MAML3: variants seen among roughly 807,000 people sequenced by gnomAD.
The protein encoded by MAML3 is mastermind like transcriptional coactivator 3, also known as mastermind-like protein 3.
MAML3 carries 27 observed loss-of-function variants against 101.9 expected under a neutral mutation model. The observed-to-expected ratio is 0.27, with a 90% confidence interval of 0.20 to 0.37. MAML3 has a LOEUF of 0.37. Ranked by LOEUF, MAML3 falls within the 10% of genes least tolerant of loss-of-function variation. The pLI is 1.00. For missense variants in MAML3, 1,316 were observed against 1,444.9 expected, an observed-to-expected ratio of 0.91 and a Z score of 1.45; for synonymous variants, 501 against 555.9, an observed-to-expected ratio of 0.90 and a Z score of 1.39.
At chr4:139,756,413 A>G (rs1220299225) in intron 2 of MAML3, among the ~76,000 whole-genome samples, 6 of 152,210 alleles carry the variant, frequency 3.9e-5, no homozygotes, top group Admixed American at 6.5e-5. Context: ...AGAATCACAC[A>G]TGGCTGAAGA....
intron 2 of MAML3, among the ~76,000 whole-genome samples, chr4:139,733,294 G>T (rs1254085420): frequency 1.3e-5 from 2 of 152,220 alleles, no homozygotes; most frequent in Non-Finnish European, 2.9e-5. Context: ...CCCAAGGGAA[G>T]ATAAAGTTTT....
intron 1 of MAML3, among the ~76,000 whole-genome samples, chr4:140,132,493 C>T (rs1470704533): frequency 2.0e-5 from 3 of 152,156 alleles, no homozygotes; most frequent in Non-Finnish European, 4.4e-5. Flanking sequence ...AAACTCTGGA[C>T]TTTGGGGAGG....
At chr4:140,053,180 G>A (rs760818854) in intron 1 of MAML3, among the ~76,000 whole-genome samples, 1 of 152,008 alleles carries the variant, frequency 6.6e-6, no homozygotes, top group Non-Finnish European at 1.5e-5. Flanking sequence ...TGGTGCTCCT[G>A]GTTTAGTGTT....
chr4:139,892,460 A>C (rs1274725985), intron 1 of MAML3, among the ~76,000 whole-genome samples: 2 of 152,088 alleles, frequency 1.3e-5, no homozygotes, highest in African/African-American at 4.8e-5. Flanking sequence ...CTTGGCCAGG[A>C]TACCATTATC....
chr4:140,114,524 C>T (rs538450710), intron 1 of MAML3, among the ~76,000 whole-genome samples: 1 of 152,350 alleles, frequency 6.6e-6, no homozygotes, highest in Admixed American at 6.5e-5. Flanking sequence ...AATCAAACCT[C>T]TGATATTTTT....
At chr4:139,811,178 C>T (rs560304515) in intron 2 of MAML3, among the ~76,000 whole-genome samples, 72 of 152,304 alleles carry the variant, frequency 4.7e-4, no homozygotes, top group East Asian at 7.7e-4. Flanking sequence ...TTAAAACTTA[C>T]GCCACTGTTA....
chr4:139,896,631 TG>T (rs1732619944), intron 1 of MAML3, among the ~76,000 whole-genome samples: 1 of 121,452 alleles, frequency 8.2e-6, no homozygotes, highest in African/African-American at 2.6e-5. Flanking sequence ...TGTGTGTGTG[TG>T]GTATGTGGTG....
intron 1 of MAML3, among the ~76,000 whole-genome samples, chr4:139,911,730 C>T (rs116678305): frequency 1.3e-5 from 2 of 152,212 alleles, no homozygotes; most frequent in Non-Finnish European, 2.9e-5. Context: ...CCAGAGATCC[C>T]CCTCACTCTT....
intron 2 of MAML3, among the ~76,000 whole-genome samples, chr4:139,854,349 C>T (rs1344002872): frequency 6.6e-6 from 1 of 151,420 alleles, no homozygotes; most frequent in South Asian, 2.1e-4. Flanking sequence ...TTGCTTAAAT[C>T]CACAAGGTTC....
chr4:140,153,459 C>T lies in MAML3; in HGVS notation c.-132G>A. ...GACGCAAGCACATGGATGGAAACGG[C>T]GATCCCGACGGGGCGAAAAAAACGG... On this transcript the variant is annotated 5_prime_UTR_variant, in exon 1 of 5. Transcript: ENST00000509479. The T allele has an allele frequency of 9.6e-7, 1 of 1,037,336 alleles. No individual in the cohort carries two copies. The highest frequency in any genetic ancestry group is 1.3e-6 in the Non-Finnish European group (1 of 795,708). 64.3% of individuals were successfully genotyped at this position (1,037,336 alleles called of 1,614,324 possible). A position where few individuals can be genotyped will look rare whatever the true frequency, so the allele number is the denominator to read the frequency against.
chr4:139,783,664 C>T (rs1730256820), intron 2 of MAML3, among the ~76,000 whole-genome samples: 1 of 152,210 alleles, frequency 6.6e-6, no homozygotes, highest in African/African-American at 2.4e-5. Flanking sequence ...CGGCATCATT[C>T]TGACCATGCA....
intron 2 of MAML3, among the ~76,000 whole-genome samples, chr4:139,772,128 TA>T (rs1418645357): frequency 6.9e-6 from 1 of 145,532 alleles, no homozygotes; most frequent in African/African-American, 2.6e-5. Context: ...TAGTTCCAGC[TA>T]CTGGGGAAGC....
intron 2 of MAML3, among the ~76,000 whole-genome samples, chr4:139,872,342 T>C (rs1157029352): frequency 6.6e-6 from 1 of 152,164 alleles, no homozygotes; most frequent in African/African-American, 2.4e-5. Flanking sequence ...CTTCAATAAA[T>C]GTTGCTAGGT....
At position 139,719,582 on chromosome 4, in the gene MAML3, T is replaced by C. The variant is rs200284253; in HGVS notation, c.3158A>G (p.Gln1053Arg). ...GAACGCTGGCATGCCTGGGACTCCC[T>C]GGCTCAGGCCAGACATGACCATTGG... ...ARPMVMSGLSQGVPGMPAFSQ... is the reference protein window; with the variant it reads ...ARPMVMSGLSRGVPGMPAFSQ... The change falls in exon 5 of 5, where the codon CAG (glutamine) becomes CGG (arginine). Residue 1053 changes from glutamine to arginine, a missense_variant. Transcript: ENST00000509479. The C allele has an allele frequency of 1.2e-6, 2 of 1,613,540 alleles. No homozygotes were observed. Among genetic ancestry groups the C allele is most frequent in the Admixed American group, 3.3e-5 (2 of 59,966 alleles).
chr4:139,784,369 C>T (rs192595749), intron 2 of MAML3, among the ~76,000 whole-genome samples: 19 of 152,330 alleles, frequency 1.2e-4, no homozygotes, highest in East Asian at 1.9e-4. Flanking sequence ...GCATTCCAAG[C>T]GATCCTGGCG....
At chr4:139,994,600 C>T (rs1202172748) in intron 1 of MAML3, among the ~76,000 whole-genome samples, 1 of 152,136 alleles carries the variant, frequency 6.6e-6, no homozygotes, top group Non-Finnish European at 1.5e-5. Flanking sequence ...TCTGAGGTTA[C>T]TGTGAGCTAT....
chr4:139,989,807 C>T (rs1358804195), intron 1 of MAML3, among the ~76,000 whole-genome samples: 1 of 151,242 alleles, frequency 6.6e-6, no homozygotes, highest in Non-Finnish European at 1.5e-5. Context: ...AGTCTCTGCC[C>T]TTGGTACCAC....
At chr4:139,891,332 G>C (rs1324254011) in intron 1 of MAML3, among the ~76,000 whole-genome samples, 1 of 152,206 alleles carries the variant, frequency 6.6e-6, no homozygotes. Flanking sequence ...AGGCTGGAGT[G>C]CAGTGGTGCT....
rs142506937 is a variant in MAML3, at chr4:139,984,924, G to C, written c.469-93957C>G. On this transcript the variant is annotated intron_variant, in intron 1 of 4. Transcript: ENST00000509479. ...CTGAGCAGTATAGCTCCATCAAGTTGACACATAAGACTAACCATCACAGAT... is the reference window on the plus strand; with the variant it reads ...CTGAGCAGTATAGCTCCATCAAGTTCACACATAAGACTAACCATCACAGAT... Among the ~76,000 whole-genome samples, 6 of 152,268 alleles carry C rather than the reference G, an allele frequency of 3.9e-5. No individual in the cohort carries two copies. The East Asian group carries it at 1.2e-3, about 29-fold the overall frequency.
Sources: allele counts gnomAD v4.1 joint callset (sites outside exome capture counted in the v4.1 genomes callset), GRCh38; gene constraint gnomAD v4.1.1; transcripts MANE v1.5; gene names NCBI Gene and HGNC (gene_info 2026-07-23, HGNC 2026-07-21).